Variants in CNBD1 observed in about 807,000 individuals in gnomAD.
The protein encoded by CNBD1 is cyclic nucleotide binding domain containing 1, also known as cyclic nucleotide-binding domain-containing protein 1.
In CNBD1, 71 loss-of-function variants were observed where a neutral mutation model predicts 54.4. The observed-to-expected ratio is 1.30, with a 90% CI of 1.08 to 1.59. CNBD1 has a LOEUF of 1.59. Ranked by LOEUF, CNBD1 falls within the 40% of genes most tolerant of loss-of-function variation. CNBD1 has a pLI of 0.00. For synonymous variants in CNBD1, 182 were observed against 170.7 expected, an observed-to-expected ratio of 1.07 and a Z score of -0.51; for missense variants, 659 against 518.0, an observed-to-expected ratio of 1.27 and a Z score of -2.64.
chr8:87,370,778 T>C (rs1379256169), intron 10 of CNBD1, among the ~76,000 whole-genome samples: 1 of 149,338 alleles, frequency 6.7e-6, no homozygotes, highest in Non-Finnish European at 1.5e-5. Context: ...TTGCTTTTGG[T>C]GTTTTAGACA....
At chr8:87,185,397 ACC>A (rs1813452559) in intron 4 of CNBD1, among the ~76,000 whole-genome samples, 2 of 152,064 alleles carry the variant, frequency 1.3e-5, no homozygotes, top group Admixed American at 1.3e-4. Context: ...TTTTAATTTT[ACC>A]TTGGTGGCTG....
At chr8:87,233,282 G>A (rs1167373413) in intron 5 of CNBD1, among the ~76,000 whole-genome samples, 1 of 152,072 alleles carries the variant, frequency 6.6e-6, no homozygotes, top group Non-Finnish European at 1.5e-5. Flanking sequence ...TTCTAGACTA[G>A]CATTTGATCC....
chr8:87,143,632 CTTA>C (rs900775073), intron 4 of CNBD1, among the ~76,000 whole-genome samples: 8 of 152,158 alleles, frequency 5.3e-5, no homozygotes, highest in East Asian at 1.9e-4. Context: ...AAAATTTATA[CTTA>C]TTATTAAGGA....
chr8:87,231,882 A>G (rs1807447665), intron 5 of CNBD1, among the ~76,000 whole-genome samples: 1 of 150,284 alleles, frequency 6.7e-6, no homozygotes, highest in Non-Finnish European at 1.5e-5. Context: ...GAACTTTACT[A>G]TCACCCTAAA....
At chr8:86,963,601 G>C (rs916113234) in intron 4 of CNBD1, among the ~76,000 whole-genome samples, 1 of 152,194 alleles carries the variant, frequency 6.6e-6, no homozygotes, top group African/African-American at 2.4e-5. Context: ...ACAAGGGAGA[G>C]AGAAAGGGAG....
intron 2 of CNBD1, among the ~76,000 whole-genome samples, chr8:87,390,539 C>A (rs117544828): frequency 4.6e-5 from 7 of 152,036 alleles, no homozygotes; most frequent in Admixed American, 2.0e-4. Flanking sequence ...AACCATAGTG[C>A]GATATCATCT....
At chr8:87,322,847 G>A (rs925307010) in intron 8 of CNBD1, among the ~76,000 whole-genome samples, 2 of 115,724 alleles carry the variant, frequency 1.7e-5, no homozygotes, top group African/African-American at 6.7e-5. Flanking sequence ...TGTTGCCATT[G>A]CTTTTGGTGT....
chr8:87,377,458 C>A (rs1810972931), intron 10 of CNBD1, among the ~76,000 whole-genome samples: 1 of 151,862 alleles, frequency 6.6e-6, no homozygotes, highest in Non-Finnish European at 1.5e-5. Flanking sequence ...CAATTTCATC[C>A]ATGTCCCTAC....
At chr8:87,151,696 C>G (rs1319695424) in intron 4 of CNBD1, among the ~76,000 whole-genome samples, 1 of 152,006 alleles carries the variant, frequency 6.6e-6, no homozygotes, top group African/African-American at 2.4e-5. Flanking sequence ...TATACAGGCT[C>G]ATTATTTACC....
chr8:87,232,059 A>G (rs1477411586), intron 5 of CNBD1, among the ~76,000 whole-genome samples: 9 of 152,286 alleles, frequency 5.9e-5, no homozygotes, highest in Middle Eastern at 3.4e-3. Context: ...CTTTATTCCA[A>G]TCAACATAAT....
downstream of CNBD1, among the ~76,000 whole-genome samples, chr8:87,387,591 C>A (rs760333500): frequency 1.3e-5 from 2 of 152,146 alleles, no homozygotes; most frequent in African/African-American, 2.4e-5. Flanking sequence ...TACAGGAGCA[C>A]CCAGGTTCAT....
chr8:87,071,584 C>T (rs1326869507), intron 4 of CNBD1, among the ~76,000 whole-genome samples: 1 of 152,026 alleles, frequency 6.6e-6, no homozygotes, highest in African/African-American at 2.4e-5. Context: ...ACTCATGTAA[C>T]AGATTTCAAT....
At chr8:86,983,964 T>C (rs1808546608) in intron 4 of CNBD1, among the ~76,000 whole-genome samples, 1 of 152,138 alleles carries the variant, frequency 6.6e-6, no homozygotes, top group African/African-American at 2.4e-5. Context: ...ACCAAAACAA[T>C]GGAGAGAATG....
At chr8:87,020,007 A>T (rs1233414239) in intron 4 of CNBD1, among the ~76,000 whole-genome samples, 6 of 152,192 alleles carry the variant, frequency 3.9e-5, no homozygotes, top group Non-Finnish European at 8.8e-5. Context: ...TCTAATCAAA[A>T]ATATAATAAT....
At chr8:86,946,369 A>G (rs1388579819) in intron 4 of CNBD1, among the ~76,000 whole-genome samples, 3 of 152,142 alleles carry the variant, frequency 2.0e-5, no homozygotes, top group Non-Finnish European at 4.4e-5. Context: ...ATTTGATCAT[A>G]TATTAAGTAG....
intron 6 of CNBD1, among the ~76,000 whole-genome samples, chr8:87,242,051 C>A (rs1807718417): frequency 1.3e-5 from 2 of 152,112 alleles, no homozygotes; most frequent in Non-Finnish European, 1.5e-5. Context: ...CCTCATTATA[C>A]CCTCTTGCTT....
chr8:86,924,035 G>A (rs1032476603), intron 3 of CNBD1, among the ~76,000 whole-genome samples: 5 of 152,080 alleles, frequency 3.3e-5, no homozygotes, highest in Non-Finnish European at 5.9e-5. Context: ...AAATGATATC[G>A]TTCAAAGTTT....
chr8:87,270,125 G>C (rs775982056), intron 6 of CNBD1, among the ~76,000 whole-genome samples: 1 of 151,856 alleles, frequency 6.6e-6, no homozygotes, highest in Non-Finnish European at 1.5e-5. Context: ...CAATAAATGT[G>C]ATTTGCCACA....
intron 8 of CNBD1, among the ~76,000 whole-genome samples, chr8:87,320,731 A>C (rs1040216831): frequency 6.6e-6 from 1 of 152,132 alleles, no homozygotes; most frequent in African/African-American, 2.4e-5. Flanking sequence ...GATAAAAAAC[A>C]TGAGACCTAT....
Sources: allele counts gnomAD v4.1 joint callset (sites outside exome capture counted in the v4.1 genomes callset), GRCh38; gene constraint gnomAD v4.1.1; transcripts MANE v1.5; gene names NCBI Gene and HGNC (gene_info 2026-07-23, HGNC 2026-07-21).